The following CHKA variants were observed in gnomAD, a reference collection of about 807,000 sequenced individuals.
CHKA encodes the protein CHETK-alpha.
Under a neutral mutation model 60.1 loss-of-function variants are expected in CHKA, and 34 were observed. The ratio of observed to expected loss-of-function variants is 0.57; its 90% CI spans 0.43 to 0.75. The LOEUF (loss-of-function observed/expected upper bound fraction) is 0.75, where lower values mean the gene tolerates loss of function less well. Ranked by LOEUF, CHKA falls within the 30% of genes least tolerant of loss-of-function variation. CHKA has a pLI of 0.00. For synonymous variants in CHKA, 217 were observed against 223.1 expected (o/e 0.97, Z 0.24); for missense variants, 563 against 561.3 (o/e 1.00, Z -0.03).
In CHKA at chr11:68,097,135, C is replaced by T. The variant is rs1857540443; in HGVS notation, c.351-5G>A. On this transcript the variant is annotated splice_polypyrimidine_tract_variant and splice_region_variant and intron_variant, in intron 1 of 11. Transcript: ENST00000265689. ...AGCATGTTGCTAAGGCCGCCTCTGTCAGAAATAAGAGGACAGTAAGTATCT... is the reference window on the plus strand; with the variant it reads ...AGCATGTTGCTAAGGCCGCCTCTGTTAGAAATAAGAGGACAGTAAGTATCT... 6.2e-7 allele frequency: 1 copy of T among 1,607,682 alleles called. No individual in the cohort carries two copies.
intron 11 of CHKA, among the ~76,000 whole-genome samples, chr11:68,056,236 A>G (rs1156966362): frequency 6.6e-6 from 1 of 152,196 alleles, no homozygotes; most frequent in Non-Finnish European, 1.5e-5. Flanking sequence ...CTGTGATGAC[A>G]TATATGTGTG....
rs546001679 is a variant in CHKA, at chr11:68,057,817, C to T, written c.1315-3770G>A. Among the ~76,000 whole-genome samples the T allele has an allele frequency of 3.0e-4, 46 of 152,272 alleles. 1 individual carries two copies. In the Middle Eastern group the frequency reaches 0.01, roughly 34 times the overall value. On this transcript the variant is annotated intron_variant, in intron 11 of 11. Coordinates refer to ENST00000265689, the MANE Select transcript of CHKA (RefSeq NM_001277.3). The stretch of plus-strand genomic sequence containing the variant: ...TCCTTTCCCTCTTAAATTACCTTGG[C>T]CTTTCTGTTGAGTACCAGGTGATTA...
intron 11 of CHKA, among the ~76,000 whole-genome samples, chr11:68,057,320 T>C (rs1856059872): frequency 6.6e-6 from 1 of 152,142 alleles, no homozygotes; most frequent in Non-Finnish European, 1.5e-5. Flanking sequence ...TCAGTAAGCT[T>C]TTCTTTTTTT....
chr11:68,054,007 T>C lies in CHKA; in HGVS notation c.1355A>G (p.Lys452Arg). 1 of 1,613,710 alleles carries C rather than the reference T, an allele frequency of 6.2e-7. No homozygotes were observed. The highest frequency in any genetic ancestry group is 8.5e-7 in the Non-Finnish European group (1 of 1,179,876). The stretch of plus-strand genomic sequence containing the variant: ...CCACAGTCACACCCCAAGCTTCCTC[T>C]TCTGGTGGAAATAGGCATCAAACCT... ...QARFDAYFHQ[K>R]RKLGV Residue 452 changes from lysine (K) to arginine (R), a missense_variant, in exon 12 of 12, where the codon AAG becomes AGG. Lys to Arg is a conservative substitution (Grantham distance 26). Coordinates refer to ENST00000265689, the MANE Select transcript of CHKA (RefSeq NM_001277.3).
intron 8 of CHKA, 105 bp from the exon 9 acceptor site, chr11:68,065,999 G>A: frequency 2.8e-6 from 2 of 718,992 alleles, no homozygotes; most frequent in Non-Finnish European, 4.7e-6. Context: ...CGCCACTCCT[G>A]TTGCCATCTG....
chr11:68,120,651 C>A, intron 1 of CHKA, 177 bp downstream of exon 1: 1 of 231,896 alleles, frequency 4.3e-6, no homozygotes, highest in South Asian at 1.6e-4. Context: ...TTGGATTACC[C>A]AGGGCTGGGA....
chr11:68,077,866 G>A (rs1284263698), intron 3 of CHKA, among the ~76,000 whole-genome samples: 1 of 152,188 alleles, frequency 6.6e-6, no homozygotes, highest in Admixed American at 6.5e-5. Context: ...GGAGCACAGG[G>A]CCATGAGGAA....
chr11:68,065,962 GAAGA>G (rs982605550), intron 8 of CHKA, 68 bp from the exon 9 acceptor site: 2 of 1,161,182 alleles, frequency 1.7e-6, no homozygotes. Flanking sequence ...CCTGACTGCA[GAAGA>G]AAGAAAGGCT....
intron 10 of CHKA, among the ~76,000 whole-genome samples, chr11:68,063,460 T>C (rs1281783951): frequency 2.0e-5 from 3 of 150,676 alleles, no homozygotes; most frequent in African/African-American, 7.4e-5. Flanking sequence ...ATAGCTGCAC[T>C]CCAGCTTGGG....
intron 1 of CHKA, among the ~76,000 whole-genome samples, chr11:68,114,827 A>G (rs1858325601): frequency 6.6e-6 from 1 of 152,200 alleles, no homozygotes. Context: ...GACATTCTGG[A>G]AAAGGAAAAC....
At position 68,121,126 on chromosome 11, in the gene CHKA, GC is replaced by G; in HGVS notation, c.51del (p.Leu18CysfsTer3). 8.3e-7 allele frequency: 1 copy of G among 1,206,726 alleles called. No homozygotes were observed. The highest frequency in any genetic ancestry group is 2.2e-5 in the South Asian group (1 of 44,738). The allele number at this position is 1,206,726 out of a possible 1,614,324, so 74.8% of individuals were successfully genotyped here. ...CTGCCGCTACCGCAGCTCAGCAGCA[GC>G]CCGAGCGGCGAGGGCTCCGCCTCGC... The part of the protein sequence containing the change: ...TGGEAEPSPL[G>X]LLLSCGSGSA... On this transcript the variant is annotated frameshift_variant, in exon 1 of 12. Coordinates refer to ENST00000265689, the MANE Select transcript of CHKA (RefSeq NM_001277.3). LOFTEE classifies it high-confidence loss of function.
chr11:68,062,403 G>C (rs1359067885), intron 10 of CHKA, among the ~76,000 whole-genome samples: 1 of 152,212 alleles, frequency 6.6e-6, no homozygotes, highest in Non-Finnish European at 1.5e-5. Flanking sequence ...TTGCTACAAG[G>C]GAGGGTGCAC....
At chr11:68,063,849 T>A (rs1195208632) in intron 10 of CHKA, among the ~76,000 whole-genome samples, 1 of 152,226 alleles carries the variant, frequency 6.6e-6, no homozygotes, top group Non-Finnish European at 1.5e-5. Context: ...CCATGTAAGA[T>A]GTGCCTTGCT....
intron 11 of CHKA, among the ~76,000 whole-genome samples, chr11:68,059,991 T>C (rs1457904198): frequency 6.6e-6 from 1 of 152,040 alleles, no homozygotes; most frequent in African/African-American, 2.4e-5. Context: ...TCCCATGTTT[T>C]TTGTTTTGTT....
intron 3 of CHKA, among the ~76,000 whole-genome samples, chr11:68,080,267 G>A (rs1260006102): frequency 3.3e-5 from 5 of 152,132 alleles, no homozygotes; most frequent in Non-Finnish European, 7.4e-5. Context: ...TGTAAAACAA[G>A]CCGCTGAAAA....
At chr11:68,086,132 G>A (rs1028037708) in intron 2 of CHKA, among the ~76,000 whole-genome samples, 29 of 152,208 alleles carry the variant, frequency 1.9e-4, no homozygotes, top group African/African-American at 6.7e-4. Flanking sequence ...TGCCAACATG[G>A]TGAAACCCCT....
chr11:68,054,207 G>A lies in CHKA; in HGVS notation c.1315-160C>T, dbSNP rs1023694646. Among the ~76,000 whole-genome samples, 16 of 152,242 alleles carry A rather than the reference G, an allele frequency of 1.1e-4. No homozygotes were observed. In the East Asian group the frequency reaches 2.1e-3, roughly 20 times the overall value. ...TGCAGCAGGGCTGCTCGGGGGCCTCGCTGCTCTACAGGTGCAGGCTCCTCA... is the reference window on the plus strand; with the variant it reads ...TGCAGCAGGGCTGCTCGGGGGCCTCACTGCTCTACAGGTGCAGGCTCCTCA... On this transcript the variant is annotated intron_variant, in intron 11 of 11. Transcript: ENST00000265689.
chr11:68,118,551 G>A (rs139911021), intron 1 of CHKA, among the ~76,000 whole-genome samples: 2 of 152,256 alleles, frequency 1.3e-5, no homozygotes, highest in African/African-American at 2.4e-5. Context: ...TCAACCAGAC[G>A]AATTCCTCTC....
intron 1 of CHKA, among the ~76,000 whole-genome samples, chr11:68,100,934 GTTCT>G (rs1857691463): frequency 2.3e-5 from 3 of 128,598 alleles, no homozygotes; most frequent in Admixed American, 7.9e-5. Context: ...GTATAAAGAG[GTTCT>G]TTTTTTTTTT....
Sources: gnomAD v4.1 joint callset for allele counts (sites outside exome capture counted in the v4.1 genomes callset) on GRCh38, gnomAD v4.1.1 for gene constraint, MANE v1.5 for transcripts, NCBI Gene and HGNC (gene_info 2026-07-23, HGNC 2026-07-21) for gene names.